The following FSTL5 variants were observed in gnomAD, a reference collection of about 807,000 sequenced individuals.
The protein encoded by FSTL5 is follistatin-related protein 5.
FSTL5 carries 62 observed loss-of-function variants against 89.1 expected under a neutral mutation model. The observed-to-expected ratio is 0.70, with a 90% confidence interval of 0.57 to 0.86. The LOEUF (loss-of-function observed/expected upper bound fraction) is 0.86. Among genes scored for constraint, FSTL5 ranks in the 40% least tolerant of loss-of-function variants. FSTL5 has a pLI of 0.00. For synonymous variants in FSTL5, 383 were observed against 346.2 expected, an observed-to-expected ratio of 1.11 and a Z score of -1.18; for missense variants, 1,057 against 1,001.6, an observed-to-expected ratio of 1.06 and a Z score of -0.75.
At chr4:162,109,416 T>C (rs1731350947) in intron 2 of FSTL5, among the ~76,000 whole-genome samples, 1 of 152,072 alleles carries the variant, frequency 6.6e-6, no homozygotes, top group Non-Finnish European at 1.5e-5. Flanking sequence ...TGTTTGAAAG[T>C]TAGATATGAC....
At chr4:161,521,848 CA>C (rs11405532) in intron 10 of FSTL5, among the ~76,000 whole-genome samples, 3 of 58,178 alleles carry the variant, frequency 5.2e-5, no homozygotes, top group East Asian at 5.7e-4. Context: ...GACTCCACCT[CA>C]AAAAAAAAAA....
At chr4:161,915,818 G>C (rs1383777700) in intron 4 of FSTL5, among the ~76,000 whole-genome samples, 1 of 152,026 alleles carries the variant, frequency 6.6e-6, no homozygotes, top group African/African-American at 2.4e-5. Context: ...ATTTTTCAAT[G>C]TATATAGATT....
At chr4:161,765,478 C>T (rs1297110885) in intron 5 of FSTL5, among the ~76,000 whole-genome samples, 3 of 152,132 alleles carry the variant, frequency 2.0e-5, no homozygotes, top group African/African-American at 7.2e-5. Flanking sequence ...AGTTTATGAA[C>T]TCAGCGTAAA....
intron 8 of FSTL5, among the ~76,000 whole-genome samples, chr4:161,554,638 C>T (rs754937599): frequency 6.6e-6 from 1 of 151,690 alleles, no homozygotes; most frequent in Non-Finnish European, 1.5e-5. Flanking sequence ...AAGTAAACAA[C>T]TAAGCACTGA....
chr4:161,462,944 C>T (rs562070539), intron 13 of FSTL5, among the ~76,000 whole-genome samples: 66 of 151,974 alleles, frequency 4.3e-4, no homozygotes, highest in Non-Finnish European at 5.0e-4. Context: ...ATAAGGACCA[C>T]GCACTACAAA....
chr4:161,911,103 T>C (rs1265276301), intron 4 of FSTL5, among the ~76,000 whole-genome samples: 1 of 152,114 alleles, frequency 6.6e-6, no homozygotes, highest in Admixed American at 6.6e-5. Flanking sequence ...TGATACCACT[T>C]TGTATATTAC....
intron 2 of FSTL5, among the ~76,000 whole-genome samples, chr4:162,044,681 T>C (rs2111236037): frequency 6.6e-6 from 1 of 152,336 alleles, no homozygotes; most frequent in Admixed American, 6.5e-5. Flanking sequence ...TTGAAAAATC[T>C]CTTGTTCAGT....
intron 10 of FSTL5, among the ~76,000 whole-genome samples, chr4:161,521,439 T>C (rs947073224): frequency 2.6e-5 from 4 of 152,144 alleles, no homozygotes; most frequent in Middle Eastern, 3.2e-3. Context: ...AAGCCTTAAG[T>C]CTTCTTTATA....
intron 10 of FSTL5, among the ~76,000 whole-genome samples, chr4:161,514,549 C>T (rs1730752872): frequency 6.6e-6 from 1 of 152,132 alleles, no homozygotes; most frequent in Non-Finnish European, 1.5e-5. Flanking sequence ...AAAGCCTAGA[C>T]TTCACCACTA....
At chr4:161,496,558 C>T (rs1425618037) in intron 12 of FSTL5, among the ~76,000 whole-genome samples, 4 of 152,102 alleles carry the variant, frequency 2.6e-5, no homozygotes, top group Non-Finnish European at 5.9e-5. Context: ...GAGTTTCCAG[C>T]CTGCTCTATG....
At chr4:161,836,843 T>C (rs1316358533) in intron 4 of FSTL5, among the ~76,000 whole-genome samples, 1 of 152,102 alleles carries the variant, frequency 6.6e-6, no homozygotes, top group Non-Finnish European at 1.5e-5. Flanking sequence ...ATAATTTTTT[T>C]CAAAATCTGG....
At chr4:162,120,318 G>A (rs906907189) in intron 1 of FSTL5, among the ~76,000 whole-genome samples, 1 of 152,006 alleles carries the variant, frequency 6.6e-6, no homozygotes, top group African/African-American at 2.4e-5. Flanking sequence ...ACTTACGAAA[G>A]CCCCACATTA....
At chr4:161,851,386 T>C (rs1237462705) in intron 4 of FSTL5, among the ~76,000 whole-genome samples, 1 of 152,176 alleles carries the variant, frequency 6.6e-6, no homozygotes, top group Non-Finnish European at 1.5e-5. Flanking sequence ...GTTTAGTTGT[T>C]TATTCTCAGT....
At chr4:161,858,275 T>C (rs539476155) in intron 4 of FSTL5, among the ~76,000 whole-genome samples, 83 of 152,318 alleles carry the variant, frequency 5.4e-4, no homozygotes, top group African/African-American at 1.7e-3. Context: ...CCTCCAGAAC[T>C]GTGAGAAATA....
chr4:161,672,634 C>T (rs776925660), intron 6 of FSTL5, among the ~76,000 whole-genome samples: 2 of 150,712 alleles, frequency 1.3e-5, no homozygotes, highest in Non-Finnish European at 3.0e-5. Flanking sequence ...AAATTATCCT[C>T]TCTTTATTTT....
At chr4:161,623,843 A>G (rs1735222843) in intron 7 of FSTL5, among the ~76,000 whole-genome samples, 1 of 151,976 alleles carries the variant, frequency 6.6e-6, no homozygotes, top group Non-Finnish European at 1.5e-5. Flanking sequence ...TTTTTTATTC[A>G]AAATGTTTTA....
chr4:161,526,168 A>T (rs1031914361), intron 10 of FSTL5, among the ~76,000 whole-genome samples: 1 of 152,144 alleles, frequency 6.6e-6, no homozygotes, highest in African/African-American at 2.4e-5. Flanking sequence ...TTACATTTTG[A>T]CATTAACATT....
At chr4:161,867,288 C>G (rs560573415) in intron 4 of FSTL5, among the ~76,000 whole-genome samples, 1 of 151,934 alleles carries the variant, frequency 6.6e-6, no homozygotes, top group Admixed American at 6.6e-5. Flanking sequence ...TATATACTCT[C>G]TTAAAGTTAA....
intron 4 of FSTL5, among the ~76,000 whole-genome samples, chr4:161,838,577 C>A (rs1299283909): frequency 6.6e-6 from 1 of 152,122 alleles, no homozygotes; most frequent in Admixed American, 6.6e-5. Context: ...AGCCACCGTG[C>A]CTGGCCTGGA....
Sources: allele counts gnomAD v4.1 joint callset (sites outside exome capture counted in the v4.1 genomes callset), GRCh38; gene constraint gnomAD v4.1.1; transcripts MANE v1.5; gene names NCBI Gene and HGNC (gene_info 2026-07-23, HGNC 2026-07-21).